The following ATP8A2 variants were observed in gnomAD, a reference collection of about 807,000 sequenced individuals.
ATP8A2 encodes phospholipid-transporting ATPase IB.
A neutral mutation model predicts 165.6 loss-of-function variants in ATP8A2; 100 were observed. That is an observed-to-expected ratio of 0.60 (90% CI 0.51 to 0.71). The LOEUF (loss-of-function observed/expected upper bound fraction) is 0.71. ATP8A2 is among the 30% of genes least tolerant of loss of function. The pLI, the probability that ATP8A2 is intolerant of heterozygous loss-of-function variation, is 0.00. For synonymous variants in ATP8A2, 543 were observed against 548.8 expected (o/e 0.99, Z 0.15); for missense variants, 1,227 against 1,479.5 (o/e 0.83, Z 2.80).
At chr13:25,864,831 G>A (rs1952461695) in intron 33 of ATP8A2, among the ~76,000 whole-genome samples, 2 of 152,152 alleles carry the variant, frequency 1.3e-5, no homozygotes, top group South Asian at 4.1e-4. Flanking sequence ...CTAAAGAACT[G>A]TGTATCATCT....
At chr13:25,803,283 TTAAG>T (rs1355687083) in intron 27 of ATP8A2, among the ~76,000 whole-genome samples, 2 of 152,178 alleles carry the variant, frequency 1.3e-5, no homozygotes, top group South Asian at 2.1e-4. Context: ...ACTACAGGTC[TTAAG>T]TAAGTCAGGT....
intron 1 of ATP8A2, among the ~76,000 whole-genome samples, chr13:25,400,556 T>G (rs1267880109): frequency 6.6e-6 from 1 of 152,240 alleles, no homozygotes; most frequent in Non-Finnish European, 1.5e-5. Context: ...ATATACACAA[T>G]ATTGTTGCTA....
chr13:25,944,170 G>A (rs1280625229), intron 33 of ATP8A2, among the ~76,000 whole-genome samples: 1 of 152,208 alleles, frequency 6.6e-6, no homozygotes, highest in Non-Finnish European at 1.5e-5. Context: ...GAAAATATTA[G>A]TAAATGATGA....
At chr13:25,923,918 A>G (rs149743701) in intron 33 of ATP8A2, among the ~76,000 whole-genome samples, 2 of 152,318 alleles carry the variant, frequency 1.3e-5, no homozygotes, top group African/African-American at 4.8e-5. Context: ...AAGACATTGC[A>G]GGAAAATGAT....
In ATP8A2 at chr13:25,720,237, G is replaced by A. The variant is rs377008703; in HGVS notation, c.2384+20892G>A. 8.4e-4 allele frequency among the ~76,000 whole-genome samples: 119 copies of A among 142,008 alleles called. 1 individual carries two copies. The highest frequency in any genetic ancestry group is 3.1e-3 in the African/African-American group (115 of 37,616). 93.2% of individuals were successfully genotyped at this position (142,008 alleles called of 152,430 possible). ...GGCTGGACTGCAGTGGTGCAATCTC[G>A]GCTCACTGCAAGCTCCACCTCCCAG... On this transcript the variant is annotated intron_variant, in intron 25 of 36. Transcript: ENST00000381655.
At chr13:25,454,283 C>A (rs1399932943) in intron 1 of ATP8A2, among the ~76,000 whole-genome samples, 1 of 152,198 alleles carries the variant, frequency 6.6e-6, no homozygotes, top group Non-Finnish European at 1.5e-5. Context: ...TGCTCAAGTG[C>A]TGTTGTCATT....
intron 35 of ATP8A2, among the ~76,000 whole-genome samples, chr13:26,006,231 C>T (rs1956733380): frequency 6.6e-6 from 1 of 151,864 alleles, no homozygotes; most frequent in Admixed American, 6.6e-5. Context: ...AGTGTGGCAC[C>T]TCTTTGGTTA....
At chr13:25,657,730 G>A (rs921654327) in intron 24 of ATP8A2, among the ~76,000 whole-genome samples, 1 of 152,196 alleles carries the variant, frequency 6.6e-6, no homozygotes, top group Admixed American at 6.5e-5. Context: ...GTAAAATGAA[G>A]TCTGATGACC....
chr13:25,714,248 G>A (rs2208928), intron 25 of ATP8A2, among the ~76,000 whole-genome samples: 36,817 of 151,894 alleles, frequency 0.24, 6,685 homozygotes, highest in African/African-American at 0.51. Context: ...TCTGTGTCCC[G>A]GCCACATTGG....
At chr13:25,616,326 C>CTTTTTTTTTTTTTTTTTTT (rs535891442) in intron 24 of ATP8A2, among the ~76,000 whole-genome samples, 5 of 106,754 alleles carry the variant, frequency 4.7e-5, no homozygotes, top group Non-Finnish European at 9.3e-5. Flanking sequence ...TTCTTTCTTT[C>CTTTTTTTTTTTTTTTTTTT]TTTTTTTTTT....
Position 25,816,948 on chromosome 13 carries a change from A to G in ATP8A2, c.2680-11170A>G, listed in dbSNP as rs140899169. 5.7e-3 allele frequency among the ~76,000 whole-genome samples: 867 copies of G among 152,196 alleles called. 6 individuals carry two copies. The highest frequency in any genetic ancestry group is 9.1e-3 in the Non-Finnish European group (620 of 68,014). On this transcript the variant is annotated intron_variant, in intron 27 of 36. Coordinates refer to ENST00000381655, the MANE Select transcript of ATP8A2 (RefSeq NM_016529.6). ...GTCAATAAGTTAAGGGTGTGACTTT[A>G]TTGGTTATAAAACACATGTTCTCAA...
intron 33 of ATP8A2, among the ~76,000 whole-genome samples, chr13:25,900,592 A>G (rs1953712274): frequency 6.6e-6 from 1 of 152,098 alleles, no homozygotes; most frequent in South Asian, 2.1e-4. Context: ...AGTTTTGGCT[A>G]AAGGTTAATA....
intron 24 of ATP8A2, among the ~76,000 whole-genome samples, chr13:25,675,662 G>T (rs2042356862): frequency 6.6e-6 from 1 of 152,172 alleles, no homozygotes; most frequent in Non-Finnish European, 1.5e-5. Flanking sequence ...TGTTCTGGAA[G>T]ATCTGGGCTT....
chr13:25,892,048 G>A (rs536811442), intron 33 of ATP8A2, among the ~76,000 whole-genome samples: 11 of 151,220 alleles, frequency 7.3e-5, no homozygotes, highest in East Asian at 3.9e-4. Flanking sequence ...GTGCAGGGGC[G>A]CGATCTTGGC....
intron 1 of ATP8A2, among the ~76,000 whole-genome samples, chr13:25,408,357 C>T (rs1033042972): frequency 1.3e-5 from 2 of 151,252 alleles, no homozygotes; most frequent in Non-Finnish European, 2.9e-5. Flanking sequence ...TGTGCCACTG[C>T]ACTCCAGCCT....
At chr13:25,410,477 T>C (rs943825137) in intron 1 of ATP8A2, among the ~76,000 whole-genome samples, 1 of 152,268 alleles carries the variant, frequency 6.6e-6, no homozygotes, top group Non-Finnish European at 1.5e-5. Flanking sequence ...CTTATTCTTA[T>C]TTGTAATCTC....
chr13:25,620,932 A>AG (rs1422728484), intron 24 of ATP8A2, among the ~76,000 whole-genome samples: 1 of 152,182 alleles, frequency 6.6e-6, no homozygotes, highest in African/African-American at 2.4e-5. Flanking sequence ...TTAAATAATA[A>AG]GAAAAACCTC....
intron 1 of ATP8A2, among the ~76,000 whole-genome samples, chr13:25,467,899 G>A (rs1306563230): frequency 6.6e-6 from 1 of 152,126 alleles, no homozygotes; most frequent in Non-Finnish European, 1.5e-5. Context: ...TTTGATAGTT[G>A]GAAAGCGTGG....
At chr13:25,667,551 A>T (rs915535234) in intron 24 of ATP8A2, among the ~76,000 whole-genome samples, 1 of 151,842 alleles carries the variant, frequency 6.6e-6, no homozygotes, top group African/African-American at 2.4e-5. Flanking sequence ...TCTCCATCTC[A>T]TGTTGTGATG....
Sources: allele counts gnomAD v4.1 joint callset (sites outside exome capture counted in the v4.1 genomes callset), GRCh38; gene constraint gnomAD v4.1.1; transcripts MANE v1.5; gene names NCBI Gene and HGNC (gene_info 2026-07-23, HGNC 2026-07-21).